Variants in HS2ST1 observed in about 807,000 individuals in gnomAD.
HS2ST1 encodes the protein heparan sulfate 2-O-sulfotransferase 1, also known as 2-O-sulfotransferase.
HS2ST1 carries 18 observed loss-of-function variants against 42.9 expected under a neutral mutation model. The ratio of observed to expected loss-of-function variants is 0.42; its 90% CI spans 0.29 to 0.62. HS2ST1 has a LOEUF of 0.62. HS2ST1 is among the 20% of genes least tolerant of loss of function. The pLI is 0.21. For missense variants in HS2ST1, 334 were observed against 433.8 expected, an observed-to-expected ratio of 0.77 and a Z score of 2.04; for synonymous variants, 146 against 152.9, an observed-to-expected ratio of 0.95 and a Z score of 0.33.
At chr1:87,028,465 A>C (rs1405737393) in intron 1 of HS2ST1, among the ~76,000 whole-genome samples, 5 of 152,134 alleles carry the variant, frequency 3.3e-5, no homozygotes, top group Admixed American at 3.3e-4. Flanking sequence ...AAATAGCACC[A>C]TTTTCTTTCT....
At chr1:87,004,200 G>A (rs981232489) in intron 1 of HS2ST1, among the ~76,000 whole-genome samples, 7 of 152,098 alleles carry the variant, frequency 4.6e-5, no homozygotes, top group South Asian at 2.1e-4. Context: ...AGACCAGCCT[G>A]GCCAACGTGG....
chr1:87,038,978 T>A (rs1433776632), intron 1 of HS2ST1, among the ~76,000 whole-genome samples: 1 of 152,206 alleles, frequency 6.6e-6, no homozygotes, highest in Admixed American at 6.5e-5. Context: ...AATTGAAAAG[T>A]ATTTTTAAAT....
intron 1 of HS2ST1, among the ~76,000 whole-genome samples, chr1:86,970,843 C>T (rs982293777): frequency 7.2e-5 from 11 of 151,996 alleles, no homozygotes; most frequent in African/African-American, 2.7e-4. Flanking sequence ...ATCTAGAGGA[C>T]TTAAAATGTA....
chr1:86,981,917 C>T (rs1648605965), intron 1 of HS2ST1, among the ~76,000 whole-genome samples: 1 of 152,266 alleles, frequency 6.6e-6, no homozygotes. Context: ...TCCACACCGT[C>T]CTAGCAGAGG....
In HS2ST1 at chr1:87,036,644, G is replaced by T. The variant is rs564203626; in HGVS notation, c.125-36290G>T. The stretch of plus-strand genomic sequence containing the variant: ...AGATATGCTGGAATGAAGTGAAAAG[G>T]TGTTTAGATATTTCCAATTTTGTAG... On this transcript the variant is annotated intron_variant, in intron 1 of 6. Coordinates refer to ENST00000370550, the MANE Select transcript of HS2ST1 (RefSeq NM_012262.4). 9.6e-4 allele frequency among the ~76,000 whole-genome samples: 146 copies of T among 152,180 alleles called. 1 individual carries two copies. Among genetic ancestry groups the T allele is most frequent in the African/African-American group, 3.4e-3 (142 of 41,554 alleles).
At chr1:86,929,773 T>C (rs1411063758) in intron 1 of HS2ST1, among the ~76,000 whole-genome samples, 1 of 151,886 alleles carries the variant, frequency 6.6e-6, no homozygotes, top group East Asian at 1.9e-4. Flanking sequence ...TGTGTGATAG[T>C]TGCTTTATTA....
chr1:86,994,601 G>A (rs1333384563), intron 1 of HS2ST1, among the ~76,000 whole-genome samples: 1 of 151,980 alleles, frequency 6.6e-6, no homozygotes, highest in African/African-American at 2.4e-5. Flanking sequence ...CAAATTAATA[G>A]TGATTGTTTC....
At chr1:86,924,292 C>G (rs1429527566) in intron 1 of HS2ST1, among the ~76,000 whole-genome samples, 1 of 152,236 alleles carries the variant, frequency 6.6e-6, no homozygotes, top group Admixed American at 6.5e-5. Context: ...CTCCTGGCTA[C>G]TTTCACAGGC....
intron 3 of HS2ST1, among the ~76,000 whole-genome samples, chr1:87,091,342 T>G (rs1651935834): frequency 6.6e-6 from 1 of 151,896 alleles, no homozygotes; most frequent in Admixed American, 6.6e-5. Context: ...CTATAACAGA[T>G]AAATGGTTTC....
chr1:87,045,065 ATCT>A (rs773620940), intron 1 of HS2ST1: 134 of 1,105,222 alleles, frequency 1.2e-4, no homozygotes, highest in Non-Finnish European at 9.8e-5. Flanking sequence ...TCTTTGAAGA[ATCT>A]TCTTCATCCG....
At chr1:87,021,103 A>T (rs191948389) in intron 1 of HS2ST1, among the ~76,000 whole-genome samples, 1 of 152,220 alleles carries the variant, frequency 6.6e-6, no homozygotes, top group African/African-American at 2.4e-5. Context: ...CAGGGTGTCT[A>T]CCTTAAGATT....
intron 3 of HS2ST1, among the ~76,000 whole-genome samples, chr1:87,087,079 A>C (rs1371084039): frequency 6.6e-6 from 1 of 152,048 alleles, no homozygotes; most frequent in Non-Finnish European, 1.5e-5. Context: ...CCAGTTCATG[A>C]AGTTTTATTA....
intron 1 of HS2ST1, among the ~76,000 whole-genome samples, chr1:86,925,989 T>C (rs892813537): frequency 1.3e-5 from 2 of 152,222 alleles, no homozygotes; most frequent in African/African-American, 4.8e-5. Flanking sequence ...TTCCTATAAA[T>C]ACTTTCAAAC....
intron 1 of HS2ST1, among the ~76,000 whole-genome samples, chr1:87,070,810 T>C (rs769983393): frequency 1.2e-4 from 19 of 152,198 alleles, no homozygotes; most frequent in Non-Finnish European, 2.4e-4. Context: ...TTATGGATTA[T>C]CTTTTCCTAC....
At chr1:87,072,716 T>C (rs1334684969) in intron 1 of HS2ST1, among the ~76,000 whole-genome samples, 2 of 152,182 alleles carry the variant, frequency 1.3e-5, no homozygotes, top group Non-Finnish European at 2.9e-5. Context: ...AGTTCTTGAA[T>C]AGGAAGATTA....
At chr1:86,953,840 G>A (rs537764560) in intron 1 of HS2ST1, among the ~76,000 whole-genome samples, 2 of 152,060 alleles carry the variant, frequency 1.3e-5, no homozygotes, top group South Asian at 4.2e-4. Flanking sequence ...CATTATAAGG[G>A]TTATTATTAG....
At chr1:86,993,180 T>G in intron 1 of HS2ST1, 5 of 1,565,724 alleles carry the variant, frequency 3.2e-6, no homozygotes, top group Non-Finnish European at 4.3e-6. Context: ...GACTTTCATT[T>G]CAAAAGCTTT....
chr1:86,949,355 G>A (rs1261930263), intron 1 of HS2ST1, among the ~76,000 whole-genome samples: 2 of 152,120 alleles, frequency 1.3e-5, no homozygotes, highest in African/African-American at 4.8e-5. Context: ...GTGATCTGCC[G>A]GCCTTGGCGT....
Position 86,920,411 on chromosome 1 carries a change from T to C in HS2ST1, c.124+5251T>C, listed in dbSNP as rs949067977. On this transcript the variant is annotated intron_variant, in intron 1 of 6. Coordinates refer to ENST00000370550, the MANE Select transcript of HS2ST1 (RefSeq NM_012262.4). ...TCCAGAGAATGCTAGATTTCCTCACTTCTGAAATCATTTGGAAAACCTCAT... is the reference window on the plus strand; with the variant it reads ...TCCAGAGAATGCTAGATTTCCTCACCTCTGAAATCATTTGGAAAACCTCAT... 7.2e-5 allele frequency among the ~76,000 whole-genome samples: 11 copies of C among 152,332 alleles called. No homozygotes were observed. The South Asian group carries it at 1.2e-3, about 17-fold the overall frequency.
Sources: allele counts gnomAD v4.1 joint callset (sites outside exome capture counted in the v4.1 genomes callset), GRCh38; gene constraint gnomAD v4.1.1; transcripts MANE v1.5; gene names NCBI Gene and HGNC (gene_info 2026-07-23, HGNC 2026-07-21).